PINX1: variants seen among roughly 807,000 people sequenced by gnomAD.
The protein encoded by PINX1 is PIN2/TERF1-interacting telomerase inhibitor 1.
Under a neutral mutation model 25.4 loss-of-function variants are expected in PINX1, and 34 were observed. The observed-to-expected ratio is 1.34, with a 90% CI of 1.02 to 1.78. The LOEUF is 1.78. Ranked by LOEUF, PINX1 falls within the 40% of genes most tolerant of loss-of-function variation. The probability of loss-of-function intolerance (pLI) is 0.00; values close to 1 mark genes in which losing one functional copy is unlikely to be tolerated. For synonymous variants in PINX1, 197 were observed against 147.7 expected, an observed-to-expected ratio of 1.33 and a Z score of -2.42; for missense variants, 592 against 404.9, an observed-to-expected ratio of 1.46 and a Z score of -3.97.
At chr8:10,776,355 G>C (rs1045986012) in intron 6 of PINX1, among the ~76,000 whole-genome samples, 10 of 152,176 alleles carry the variant, frequency 6.6e-5, no homozygotes, top group African/African-American at 2.4e-4. Flanking sequence ...AACCTGAGAA[G>C]CGGAGGTTGC....
At chr8:10,792,164 C>A (rs546530658) in intron 6 of PINX1, among the ~76,000 whole-genome samples, 2 of 152,126 alleles carry the variant, frequency 1.3e-5, no homozygotes, top group Non-Finnish European at 2.9e-5. Context: ...CAGCAGGCCC[C>A]GCAGATGCGC....
intron 6 of PINX1, among the ~76,000 whole-genome samples, chr8:10,777,429 A>G (rs1801428375): frequency 1.3e-5 from 2 of 152,212 alleles, no homozygotes; most frequent in South Asian, 2.1e-4. Flanking sequence ...TCTCGGCACC[A>G]TGTGCTAGAG....
chr8:10,797,795 T>C (rs933209881), intron 6 of PINX1, among the ~76,000 whole-genome samples: 2 of 152,170 alleles, frequency 1.3e-5, no homozygotes, highest in African/African-American at 4.8e-5. Context: ...TAATTCAAAA[T>C]AATTTATTCA....
At chr8:10,805,562 C>T (rs1802419246) in intron 6 of PINX1, among the ~76,000 whole-genome samples, 1 of 132,760 alleles carries the variant, frequency 7.5e-6, no homozygotes, top group East Asian at 2.3e-4. Flanking sequence ...AGGAAGGGGC[C>T]ACACTAGTGC....
chr8:10,772,497 C>T (rs892307581), intron 6 of PINX1, among the ~76,000 whole-genome samples: 7 of 152,206 alleles, frequency 4.6e-5, no homozygotes, highest in African/African-American at 1.7e-4. Context: ...TATTGATGAA[C>T]AGCTATTTTT....
At chr8:10,812,378 C>G (rs1183374591) in intron 6 of PINX1, among the ~76,000 whole-genome samples, 2 of 152,166 alleles carry the variant, frequency 1.3e-5, no homozygotes, top group African/African-American at 4.8e-5. Flanking sequence ...TTCACGTGTT[C>G]TCTTTACTCC....
intron 6 of PINX1, among the ~76,000 whole-genome samples, chr8:10,781,442 C>G (rs1476682605): frequency 6.6e-6 from 1 of 152,096 alleles, no homozygotes. Context: ...ACTTGTAGAC[C>G]ATGTATCTGA....
chr8:10,804,334 C>T (rs1802367372), intron 6 of PINX1, among the ~76,000 whole-genome samples: 1 of 152,174 alleles, frequency 6.6e-6, no homozygotes, highest in Admixed American at 6.5e-5. Context: ...AAACAATGAG[C>T]CAGAACGTGC....
intron 4 of PINX1, among the ~76,000 whole-genome samples, chr8:10,828,757 C>T (rs1294417645): frequency 6.6e-6 from 1 of 152,142 alleles, no homozygotes; most frequent in Admixed American, 6.5e-5. Context: ...CCAATCTGGC[C>T]GTCCTTTCCC....
intron 6 of PINX1, among the ~76,000 whole-genome samples, chr8:10,799,070 A>G (rs912170848): frequency 1.2e-4 from 19 of 152,210 alleles, no homozygotes; most frequent in African/African-American, 4.6e-4. Context: ...GAAACTGATC[A>G]TCTGTATTAT....
At chr8:10,777,048 AC>A (rs1801418102) in intron 6 of PINX1, among the ~76,000 whole-genome samples, 1 of 152,172 alleles carries the variant, frequency 6.6e-6, no homozygotes, top group South Asian at 2.1e-4. Flanking sequence ...TCTTAAAACC[AC>A]TTGCTTCATC....
intron 6 of PINX1, among the ~76,000 whole-genome samples, chr8:10,781,459 G>A (rs1801583290): frequency 6.6e-6 from 1 of 152,108 alleles, no homozygotes; most frequent in South Asian, 2.1e-4. Flanking sequence ...CTGATATAAA[G>A]TTAATATCTG....
rs913167059 is a variant in PINX1, at chr8:10,765,785, G to A, written c.603C>T (p.Asp201=). The part of the protein sequence containing the change: ...NKPQVPVPGS[D]ISETQVERKR... ...TACGTTCCACCTGCGTCTCAGAAAT[G>A]TCAGACCCTGGAACTGGAACCTGGG... The change falls in exon 7 of 7, where the codon GAC becomes GAT. Residue 201 remains aspartate (D), a synonymous_variant. Transcript: ENST00000314787. 9.9e-6 allele frequency: 16 copies of A among 1,613,902 alleles called. No homozygotes were observed. Among genetic ancestry groups the A allele is most frequent in the Non-Finnish European group, 1.4e-5 (16 of 1,179,896 alleles).
intron 6 of PINX1, among the ~76,000 whole-genome samples, chr8:10,768,485 T>A (rs184189196): frequency 6.6e-6 from 1 of 152,346 alleles, no homozygotes; most frequent in African/African-American, 2.4e-5. Flanking sequence ...ATGCTCATCA[T>A]CAACTTCTGG....
At chr8:10,808,122 T>C (rs1802514046) in intron 6 of PINX1, among the ~76,000 whole-genome samples, 1 of 152,380 alleles carries the variant, frequency 6.6e-6, no homozygotes, top group Admixed American at 6.5e-5. Flanking sequence ...CAGGGTACGA[T>C]ATTTACATAG....
At chr8:10,807,288 A>G (rs1279406897) in intron 6 of PINX1, among the ~76,000 whole-genome samples, 2 of 150,252 alleles carry the variant, frequency 1.3e-5, no homozygotes, top group Non-Finnish European at 3.0e-5. Flanking sequence ...CCTTATAATA[A>G]GAAGGTTGGA....
At chr8:10,782,397 T>C (rs1801613036) in intron 6 of PINX1, among the ~76,000 whole-genome samples, 1 of 151,078 alleles carries the variant, frequency 6.6e-6, no homozygotes, top group Non-Finnish European at 1.5e-5. Context: ...ACTCATAACA[T>C]GTACAGCTTT....
intron 6 of PINX1, among the ~76,000 whole-genome samples, chr8:10,814,223 G>A (rs924927660): frequency 1.3e-5 from 2 of 152,150 alleles, no homozygotes; most frequent in African/African-American, 4.8e-5. Flanking sequence ...GGAAGAACTT[G>A]GAAATTAGAA....
At chr8:10,766,152 G>T (rs1410029642) in intron 6 of PINX1, among the ~76,000 whole-genome samples, 1 of 152,160 alleles carries the variant, frequency 6.6e-6, no homozygotes, top group East Asian at 1.9e-4. Context: ...ACTCCGGCTG[G>T]GTACCAGGTG....
Sources: allele counts gnomAD v4.1 joint callset (sites outside exome capture counted in the v4.1 genomes callset), GRCh38; gene constraint gnomAD v4.1.1; transcripts MANE v1.5; gene names NCBI Gene and HGNC (gene_info 2026-07-23, HGNC 2026-07-21).